ANO3: variants seen among roughly 807,000 people sequenced by gnomAD.
ANO3 encodes the protein anoctamin-3.
Under a neutral mutation model 144.8 loss-of-function variants are expected in ANO3, and 99 were observed. The observed-to-expected ratio is 0.68, with a 90% CI of 0.58 to 0.81. The LOEUF (loss-of-function observed/expected upper bound fraction) is 0.81. ANO3 is among the 30% of genes least tolerant of loss of function. The pLI is 0.00. For synonymous variants in ANO3, 414 were observed against 392.6 expected (o/e 1.05, Z -0.64); for missense variants, 905 against 1,202.2 (o/e 0.75, Z 3.66).
intron 1 of ANO3, among the ~76,000 whole-genome samples, chr11:26,375,142 G>T (rs979637850): frequency 1.3e-5 from 2 of 152,138 alleles, no homozygotes; most frequent in African/African-American, 4.8e-5. Flanking sequence ...TCTCATCTGG[G>T]GATGATGGGT....
rs772522880 is a variant in ANO3 at position 26,643,372 on chromosome 11, C to T, written c.2428+38C>T. On this transcript the variant is annotated intron_variant, in intron 23 of 26. Coordinates refer to ENST00000256737, the MANE Select transcript of ANO3 (RefSeq NM_031418.4). ...AGTTAAATGATTTTTACGTTGCTAA[C>T]ACCAATAGGTTGCTATGGTTTGAGT... 8 of 1,610,240 alleles carry T rather than the reference C, an allele frequency of 5.0e-6. No individual in the cohort carries two copies. The Admixed American group carries it at 1.3e-4, about 27-fold the overall frequency.
intron 1 of ANO3, among the ~76,000 whole-genome samples, chr11:26,374,734 G>A (rs1856358076): frequency 1.3e-5 from 2 of 152,072 alleles, no homozygotes; most frequent in Admixed American, 6.6e-5. Flanking sequence ...TACATTTATT[G>A]TGCACTTTCT....
intron 4 of ANO3, among the ~76,000 whole-genome samples, chr11:26,502,099 G>C (rs1024269008): frequency 1.3e-5 from 2 of 152,136 alleles, no homozygotes; most frequent in African/African-American, 4.8e-5. Context: ...AATGCCATTT[G>C]CATTACTTAT....
intron 1 of ANO3, among the ~76,000 whole-genome samples, chr11:26,395,877 G>T (rs566675562): frequency 1.8e-4 from 27 of 152,196 alleles, no homozygotes; most frequent in Non-Finnish European, 3.1e-4. Context: ...CAGGACATAG[G>T]CATGGGCAAA....
chr11:26,554,672 G>T (rs1850033402), intron 13 of ANO3, among the ~76,000 whole-genome samples: 1 of 151,998 alleles, frequency 6.6e-6, no homozygotes. Context: ...CATAATGAGG[G>T]CTCCCAGTGG....
intron 1 of ANO3, among the ~76,000 whole-genome samples, chr11:26,241,213 C>T (rs1003107778): frequency 2.0e-5 from 3 of 152,116 alleles, no homozygotes; most frequent in Non-Finnish European, 2.9e-5. Context: ...CTGCCCCAGC[C>T]ACGTGGAACT....
At chr11:26,659,806 TG>T (rs1415137651) in intron 26 of ANO3, among the ~76,000 whole-genome samples, 2 of 152,176 alleles carry the variant, frequency 1.3e-5, no homozygotes, top group Admixed American at 1.3e-4. Flanking sequence ...TTAATAGACA[TG>T]AAAAATGCAT....
At chr11:26,509,675 C>T (rs928454862) in intron 5 of ANO3, among the ~76,000 whole-genome samples, 6 of 151,994 alleles carry the variant, frequency 3.9e-5, no homozygotes, top group Non-Finnish European at 7.4e-5. Flanking sequence ...GAAAAAAAAA[C>T]TGTTTTTGAT....
chr11:26,418,754 G>A (rs551570738), intron 1 of ANO3, among the ~76,000 whole-genome samples: 1 of 151,970 alleles, frequency 6.6e-6, no homozygotes. Flanking sequence ...TGCACGTTGT[G>A]TCCTTCAAGC....
chr11:26,422,010 A>G (rs1400045429), intron 1 of ANO3, among the ~76,000 whole-genome samples: 2 of 152,058 alleles, frequency 1.3e-5, no homozygotes, highest in East Asian at 1.9e-4. Context: ...TAGGCTTAAT[A>G]GCTGGGTGAT....
At chr11:26,641,285 C>T (rs371445676) in intron 21 of ANO3, among the ~76,000 whole-genome samples, 3 of 152,190 alleles carry the variant, frequency 2.0e-5, no homozygotes, top group Admixed American at 2.0e-4. Context: ...AACACTTAGA[C>T]TCCTCATGTT....
At chr11:26,504,099 T>C (rs1474187734) in intron 4 of ANO3, among the ~76,000 whole-genome samples, 1 of 152,212 alleles carries the variant, frequency 6.6e-6, no homozygotes, top group African/African-American at 2.4e-5. Flanking sequence ...AATCTTTTCT[T>C]AGATCAGCAT....
chr11:26,247,257 T>A lies in ANO3; in HGVS notation c.154+57927T>A, dbSNP rs1225033355. 2.6e-5 allele frequency among the ~76,000 whole-genome samples: 4 copies of A among 152,332 alleles called. No homozygotes were observed. The East Asian group carries it at 5.8e-4, about 22-fold the overall frequency. ...GACTCAAAGTATATTTTTTATATAC[T>A]GTATTATGTGAGGTATGAATACAGT... On this transcript the variant is annotated intron_variant, in intron 1 of 27. Transcript: ENST00000672621.
intron 3 of ANO3, among the ~76,000 whole-genome samples, chr11:26,450,378 A>T (rs1469079739): frequency 6.6e-6 from 1 of 152,142 alleles, no homozygotes; most frequent in Admixed American, 6.5e-5. Flanking sequence ...CCTCATTGCT[A>T]CTGGCTAGTG....
intron 3 of ANO3, among the ~76,000 whole-genome samples, chr11:26,449,525 G>A (rs981905164): frequency 1.0e-4 from 14 of 137,816 alleles, no homozygotes; most frequent in East Asian, 2.2e-4. Context: ...ACACACGCAC[G>A]CACATCTCTT....
intron 1 of ANO3, among the ~76,000 whole-genome samples, chr11:26,195,698 T>C (rs182668040): frequency 3.3e-5 from 5 of 152,352 alleles, no homozygotes; most frequent in African/African-American, 1.2e-4. Context: ...CCTATAATTC[T>C]CTATATCCTG....
intron 11 of ANO3, among the ~76,000 whole-genome samples, chr11:26,543,658 T>A (rs1470558664): frequency 6.6e-6 from 1 of 152,122 alleles, no homozygotes; most frequent in African/African-American, 2.4e-5. Flanking sequence ...CCACCCTGTG[T>A]CCAAGTGTTC....
At chr11:26,189,183 G>A (rs1851429063) in exon 1 of ANO3, 2 of 984,858 alleles carry the variant, frequency 2.0e-6, no homozygotes, top group Admixed American at 1.2e-4. Context: ...TGCAATGTCA[G>A]TTTTAAAATT....
In ANO3 at chr11:26,389,511, G is replaced by A. The variant is rs58285773; in HGVS notation, c.47-52407G>A. Among the ~76,000 whole-genome samples the A allele has an allele frequency of 8.3e-3, 1,259 of 152,002 alleles. 21 individuals carry two copies. The highest frequency in any genetic ancestry group is 0.029 in the African/African-American group (1,197 of 41,466). On this transcript the variant is annotated intron_variant, in intron 1 of 26. Transcript: ENST00000256737. ...CACAATATAAATATATATATATGCC[G>A]TTTTAGTCAATGTGATCTGCTCATT... is the stretch of plus-strand genomic sequence containing the variant.
Sources: gnomAD v4.1 joint callset for allele counts (sites outside exome capture counted in the v4.1 genomes callset) on GRCh38, gnomAD v4.1.1 for gene constraint, MANE v1.5 for transcripts, NCBI Gene and HGNC (gene_info 2026-07-23, HGNC 2026-07-21) for gene names.